The following GCKR variants were observed in gnomAD, a reference collection of about 807,000 sequenced individuals.
GCKR encodes glucokinase regulator, also known as glucokinase regulatory protein.
Under a neutral mutation model 82.9 loss-of-function variants are expected in GCKR, and 73 were observed. The observed-to-expected ratio is 0.88, with a 90% CI of 0.73 to 1.07. The LOEUF is 1.07. Among genes scored for constraint, GCKR ranks in the 50% least tolerant of loss-of-function variants. The pLI is 0.00. For missense variants in GCKR, 784 were observed against 782.1 expected (o/e 1.00, Z -0.03); for synonymous variants, 294 against 291.8 (o/e 1.01, Z -0.08).
chr2:27,502,606 CTCTT>C (rs1669612921), intron 8 of GCKR, among the ~76,000 whole-genome samples: 2 of 152,312 alleles, frequency 1.3e-5, no homozygotes, highest in South Asian at 2.1e-4. Flanking sequence ...CTTTAGTCTC[CTCTT>C]TCTTAGGACT....
At chr2:27,497,195 G>T (rs1266690232) in intron 1 of GCKR, 49 bp from the exon 2 acceptor site, 1 of 1,610,048 alleles carries the variant, frequency 6.2e-7, no homozygotes. Context: ...CAGCAGGCAT[G>T]AATGAGGCTT....
rs267599322 is a variant in GCKR at position 27,522,490 on chromosome 2, A to T, written c.1603A>T (p.Ile535Phe). The T allele has an allele frequency of 3.1e-6, 5 of 1,613,810 alleles. No individual in the cohort carries two copies. Among genetic ancestry groups the T allele is most frequent in the Non-Finnish European group, 4.2e-6 (5 of 1,179,746 alleles). Residue 535 changes from isoleucine to phenylalanine, a missense_variant, in exon 18 of 19, where the codon ATC becomes TTC. Transcript: ENST00000264717. ...CTCTGGACAGTCCAAGGCTCGATGC[A>T]TCGAGAGCCTCCTCCGAGCGATCCA... ...RFSGQSKARCIESLLRAIHFP... is the reference protein window; with the variant it reads ...RFSGQSKARCFESLLRAIHFP...
At chr2:27,514,412 GA>G (rs1669957288) in intron 16 of GCKR, among the ~76,000 whole-genome samples, 1 of 152,028 alleles carries the variant, frequency 6.6e-6, no homozygotes, top group Non-Finnish European at 1.5e-5. Flanking sequence ...TGCCTGTAGG[GA>G]ATTAGTTTAA....
chr2:27,505,799 C>G lies in GCKR; in HGVS notation c.832C>G (p.His278Asp), dbSNP rs747206533. The G allele has an allele frequency of 9.3e-6, 15 of 1,605,418 alleles. No homozygotes were observed. In the East Asian group the frequency reaches 3.3e-4, roughly 36 times the overall value. The change falls in exon 10 of 19, where the codon CAT becomes GAT. Residue 278 changes from histidine (H) to aspartate (D), a missense_variant. By Grantham distance (81) the His-to-Asp change is moderately conservative (BLOSUM62 -1). Transcript: ENST00000264717. ...GCTGGAAACCCTGTTATTAGCAGCC[C>G]ATAAGACTGTGGACCAGGGCATTGC... is the stretch of plus-strand genomic sequence containing the variant. The part of the protein sequence containing the change: ...ILLETLLLAA[H>D]KTVDQGIAAS...
chr2:27,523,230 T>C, intron 18 of GCKR, 39 bp from the exon 19 acceptor site: 1 of 1,582,716 alleles, frequency 6.3e-7, no homozygotes. Context: ...GATGACCTCA[T>C]TCCCTCAGGC....
intron 8 of GCKR, among the ~76,000 whole-genome samples, chr2:27,501,464 A>G (rs1669575423): frequency 6.6e-6 from 1 of 152,280 alleles, no homozygotes; most frequent in Non-Finnish European, 1.5e-5. Context: ...TGCATAAAAT[A>G]TAAGATAGCA....
rs1344991115 is a variant in GCKR, at chr2:27,507,316, GAGA to G, written c.1143+10_1143+12del. The G allele has an allele frequency of 6.9e-6, 11 of 1,588,384 alleles. No homozygotes were observed. Among genetic ancestry groups the G allele is most frequent in the South Asian group, 1.1e-5 (1 of 90,604 alleles). The stretch of plus-strand genomic sequence containing the variant: ...AAGGCTGAGCTCACCAACCAGGTCG[GAGA>G]AGAACAGGACTTGGGGAAGCTGGGG... On this transcript the variant is annotated splice_donor_region_variant and intron_variant, in intron 13 of 18. Transcript: ENST00000264717.
At chr2:27,513,756 T>C (rs1017322953) in intron 16 of GCKR, among the ~76,000 whole-genome samples, 2 of 152,206 alleles carry the variant, frequency 1.3e-5, no homozygotes, top group African/African-American at 2.4e-5. Context: ...ATTTGAACAC[T>C]CTTTGTTGTG....
At chr2:27,510,746 C>T (rs1160192100) in intron 16 of GCKR, among the ~76,000 whole-genome samples, 2 of 151,744 alleles carry the variant, frequency 1.3e-5, no homozygotes, top group Non-Finnish European at 2.9e-5. Context: ...ATATATTGGC[C>T]ATTTGATACT....
intron 16 of GCKR, 152 bp from the exon 17 acceptor site, chr2:27,518,636 C>T: frequency 2.7e-6 from 2 of 734,578 alleles, no homozygotes; most frequent in Admixed American, 3.9e-5. Flanking sequence ...ATTGCCCTAA[C>T]ATTTAAACGC....
chr2:27,506,656 T>C (rs1240212231), intron 11 of GCKR, 77 bp downstream of exon 11: 8 of 1,172,758 alleles, frequency 6.8e-6, no homozygotes, highest in South Asian at 1.2e-5. Context: ...CTGTGAGACA[T>C]GTTAACACGG....
At chr2:27,501,842 A>G (rs763081688) in intron 8 of GCKR, 1 of 461,940 alleles carries the variant, frequency 2.2e-6, no homozygotes, top group Non-Finnish European at 4.5e-6. Context: ...TAGTGCTCAG[A>G]TGTGGTTCTG....
chr2:27,506,037 A>C (rs1329402803), intron 10 of GCKR, among the ~76,000 whole-genome samples: 1 of 152,050 alleles, frequency 6.6e-6, no homozygotes, highest in African/African-American at 2.4e-5. Flanking sequence ...TTTCCAGTGG[A>C]TCCTGGATTC....
intron 16 of GCKR, among the ~76,000 whole-genome samples, chr2:27,510,533 CTTT>C (rs1215046516): frequency 7.9e-5 from 12 of 152,074 alleles, no homozygotes; most frequent in African/African-American, 2.4e-4. Context: ...AATTTTGAAG[CTTT>C]TTGATACATA....
intron 8 of GCKR, among the ~76,000 whole-genome samples, chr2:27,501,448 A>T (rs1173996984): frequency 6.6e-6 from 1 of 152,256 alleles, no homozygotes; most frequent in Non-Finnish European, 1.5e-5. Context: ...GGCAGCTTAT[A>T]AAGGATGCAT....
At chr2:27,512,534 C>CA (rs112331095) in intron 16 of GCKR, among the ~76,000 whole-genome samples, 1,469 of 91,952 alleles carry the variant, frequency 0.016, 13 homozygotes, top group African/African-American at 0.028. Context: ...GACTCCATCT[C>CA]AAAAAAAAAA....
Position 27,506,793 on chromosome 2 carries a change from A to G in GCKR, c.974A>G (p.Glu325Gly). 6.2e-7 allele frequency: 1 copy of G among 1,607,944 alleles called. No individual in the cohort carries two copies. Among genetic ancestry groups the G allele is most frequent in the Non-Finnish European group, 8.5e-7 (1 of 1,174,404 alleles). The change falls in exon 12 of 19, where the codon GAG becomes GGG. Residue 325 changes from glutamate (E) to glycine (G), a missense_variant. Transcript: ENST00000264717. The stretch of plus-strand genomic sequence containing the variant: ...GACCTCTGACCCATTCTCAGTCTGG[A>G]GAAGAAAGGCCACGTGTACCTGGTT... Reference protein sequence around the residue: ...TLMKSVSTSLEKKGHVYLVGW... With the variant: ...TLMKSVSTSLGKKGHVYLVGW...
intron 6 of GCKR, 51 bp downstream of exon 6, chr2:27,499,259 A>T: frequency 7.0e-7 from 1 of 1,429,446 alleles, no homozygotes; most frequent in Non-Finnish European, 9.9e-7. Flanking sequence ...GTTCCTTCTC[A>T]TGGGGACATA....
chr2:27,510,743 G>T (rs1328023598), intron 16 of GCKR, among the ~76,000 whole-genome samples: 1 of 151,690 alleles, frequency 6.6e-6, no homozygotes, highest in African/African-American at 2.4e-5. Flanking sequence ...AATATATATT[G>T]GCCATTTGAT....
Sources: gnomAD v4.1 joint callset for allele counts (sites outside exome capture counted in the v4.1 genomes callset) on GRCh38, gnomAD v4.1.1 for gene constraint, MANE v1.5 for transcripts, NCBI Gene and HGNC (gene_info 2026-07-23, HGNC 2026-07-21) for gene names.